Variants in EVA1A observed in about 807,000 individuals in gnomAD.
EVA1A encodes protein eva-1 homolog A.
Under a neutral mutation model 9.8 loss-of-function variants are expected in EVA1A, and 7 were observed. The ratio of observed to expected loss-of-function variants is 0.71; its 90% CI spans 0.41 to 1.34. EVA1A has a LOEUF of 1.34. Ranked by LOEUF, EVA1A falls within the 40% of genes most tolerant of loss-of-function variation. EVA1A has a pLI of 0.01. For synonymous variants in EVA1A, 90 were observed against 85.6 expected, an observed-to-expected ratio of 1.05 and a Z score of -0.28; for missense variants, 206 against 205.9, an observed-to-expected ratio of 1.00 and a Z score of 0.00.
intron 1 of EVA1A, among the ~76,000 whole-genome samples, chr2:75,567,053 GATGCCTAGAGAAA>G (rs1677042177): frequency 6.6e-6 from 1 of 152,134 alleles, no homozygotes; most frequent in Non-Finnish European, 1.5e-5. Flanking sequence ...AACTATGAAA[GATGCCTAGAGAAA>G]ATGCTAATAG....
intron 1 of EVA1A, among the ~76,000 whole-genome samples, chr2:75,552,376 A>G (rs1676557344): frequency 6.6e-6 from 1 of 152,016 alleles, no homozygotes; most frequent in Non-Finnish European, 1.5e-5. Context: ...TCTCTCTCCT[A>G]ATGAATAGCC....
At chr2:75,550,937 C>CATGGTGAA (rs1676499810) in intron 1 of EVA1A, among the ~76,000 whole-genome samples, 1 of 152,162 alleles carries the variant, frequency 6.6e-6, no homozygotes, top group Non-Finnish European at 1.5e-5. Context: ...GCCTGGCCAG[C>CATGGTGAA]ATGGTGAAAT....
intron 1 of EVA1A, among the ~76,000 whole-genome samples, chr2:75,530,845 G>T (rs899443958): frequency 7.2e-5 from 11 of 152,074 alleles, no homozygotes; most frequent in Non-Finnish European, 1.5e-4. Context: ...ACTGAAACAA[G>T]ACAAAAATGC....
chr2:75,492,691 A>T lies in EVA1A; in HGVS notation c.*545T>A, dbSNP rs1389294909. ...AACTACACTAAAAAGTAGGATTTTA[A>T]TCCCTGAGGTGCCAGTTAAAATGGA... is the stretch of plus-strand genomic sequence containing the variant. On this transcript the variant is annotated 3_prime_UTR_variant, in exon 4 of 4. Coordinates refer to ENST00000393913, the MANE Select transcript of EVA1A (RefSeq NM_001135032.2). 1 of 153,000 alleles carries T rather than the reference A, an allele frequency of 6.5e-6. No homozygotes were observed. Among genetic ancestry groups the T allele is most frequent in the East Asian group, 1.9e-4 (1 of 5,194 alleles). 9.5% of individuals were successfully genotyped at this position (153,000 alleles called of 1,614,324 possible).
chr2:75,559,706 G>GA (rs386390503), intron 1 of EVA1A, among the ~76,000 whole-genome samples: 2 of 131,220 alleles, frequency 1.5e-5, no homozygotes, highest in Non-Finnish European at 3.3e-5. Flanking sequence ...GTGGGGGGGG[G>GA]GCGGGGGAGT....
chr2:75,557,772 A>T (rs771161276), intron 1 of EVA1A, among the ~76,000 whole-genome samples: 1 of 152,220 alleles, frequency 6.6e-6, no homozygotes. Context: ...ACTAACCCCA[A>T]TGTCCTGCCC....
At chr2:75,510,414 A>G (rs1363933687) in intron 3 of EVA1A, among the ~76,000 whole-genome samples, 1 of 152,212 alleles carries the variant, frequency 6.6e-6, no homozygotes, top group African/African-American at 2.4e-5. Context: ...CAGGATTCAC[A>G]GTATAAAGGG....
chr2:75,551,309 GCTCCCCTCATCTGTTAGA>G lies in EVA1A; in HGVS notation c.-192+9353_-192+9370del, dbSNP rs564460372. 4.3e-3 allele frequency among the ~76,000 whole-genome samples: 649 copies of G among 152,074 alleles called. 7 individuals are homozygous for G. Among genetic ancestry groups the G allele is most frequent in the African/African-American group, 0.014 (589 of 41,454 alleles). Reference sequence around the variant, plus strand: ...TTCCTCACCTCACATTTGTTCATTAGCTCCCCTCATCTGTTAGACTCCCCTCATCTGTTAGACTCCTCT... The same window carrying G: ...TTCCTCACCTCACATTTGTTCATTAGCTCCCCTCATCTGTTAGACTCCTCT... On this transcript the variant is annotated intron_variant, in intron 1 of 3. Transcript: ENST00000393913.
In EVA1A at chr2:75,504,408, C is replaced by A. The variant is rs752257283; in HGVS notation, c.86-10799G>T. 2.5e-4 allele frequency among the ~76,000 whole-genome samples: 38 copies of A among 151,826 alleles called. 1 individual carries two copies. Among genetic ancestry groups the A allele is most frequent in the Non-Finnish European group, 2.9e-5 (2 of 68,000 alleles). ...CCTGGGCAACAGGGTAAGACTCTGC[C>A]TCAAACAAACAAACAAACAAACAAA... On this transcript the variant is annotated intron_variant, in intron 3 of 3. Coordinates refer to ENST00000393913, the MANE Select transcript of EVA1A (RefSeq NM_001135032.2).
chr2:75,565,247 G>T (rs78948383), upstream of EVA1A, among the ~76,000 whole-genome samples: 28,167 of 152,118 alleles, frequency 0.19, 2,986 homozygotes, highest in East Asian at 0.29. Flanking sequence ...CTCCAGATCA[G>T]ACCAATTGAA....
chr2:75,546,912 A>C (rs1676350162), intron 1 of EVA1A, among the ~76,000 whole-genome samples: 1 of 150,732 alleles, frequency 6.6e-6, no homozygotes, highest in East Asian at 1.9e-4. Flanking sequence ...TAGGCCAAAA[A>C]AAAAAAAAAA....
At chr2:75,528,234 T>C (rs1022739152) in intron 1 of EVA1A, among the ~76,000 whole-genome samples, 1 of 152,088 alleles carries the variant, frequency 6.6e-6, no homozygotes, top group Non-Finnish European at 1.5e-5. Context: ...TGATCAAGTA[T>C]GAATTTTCCT....
chr2:75,520,377 A>G (rs921534960), intron 2 of EVA1A, among the ~76,000 whole-genome samples: 1 of 152,198 alleles, frequency 6.6e-6, no homozygotes, highest in Admixed American at 6.5e-5. Flanking sequence ...AGGGGACCCC[A>G]AACAGTCAAA....
intron 2 of EVA1A, among the ~76,000 whole-genome samples, chr2:75,519,796 G>C (rs57140091): frequency 0.017 from 2,520 of 152,106 alleles, 64 homozygotes; most frequent in African/African-American, 0.058. Flanking sequence ...TGAGCCATGT[G>C]TATTTCAAAA....
rs140605999 is a variant in EVA1A at position 75,543,791 on chromosome 2, C to T, written c.-192+16889G>A. Reference sequence around the variant, plus strand: ...AGCACAGACAAACTGCTGAGCTCCCCGGAGGTGAAAGCCCTGACCTGGGCA... The same window carrying T: ...AGCACAGACAAACTGCTGAGCTCCCTGGAGGTGAAAGCCCTGACCTGGGCA... On this transcript the variant is annotated intron_variant, in intron 1 of 3. Transcript: ENST00000393913. 8.9e-4 allele frequency among the ~76,000 whole-genome samples: 136 copies of T among 152,214 alleles called. 2 individuals carry two copies. The highest frequency in any genetic ancestry group is 6.8e-3 in the Middle Eastern group (2 of 294).
chr2:75,533,111 T>G (rs1359028475), intron 1 of EVA1A, among the ~76,000 whole-genome samples: 1 of 146,256 alleles, frequency 6.8e-6, no homozygotes, highest in Non-Finnish European at 1.5e-5. Flanking sequence ...CCCACTGCAC[T>G]GCACTCCAGC....
chr2:75,541,859 G>C (rs1676137415), intron 1 of EVA1A: 1 of 152,198 alleles, frequency 6.6e-6, no homozygotes, highest in Non-Finnish European at 1.5e-5. Flanking sequence ...CCATCCCACT[G>C]TCACTCCTCT....
intron 1 of EVA1A, among the ~76,000 whole-genome samples, chr2:75,529,099 G>C (rs1425712638): frequency 6.6e-6 from 1 of 152,156 alleles, no homozygotes; most frequent in Non-Finnish European, 1.5e-5. Context: ...GGTATCCATG[G>C]CTGAGAGACC....
At chr2:75,532,806 G>A (rs1050322098) in intron 1 of EVA1A, among the ~76,000 whole-genome samples, 1 of 152,212 alleles carries the variant, frequency 6.6e-6, no homozygotes, top group African/African-American at 2.4e-5. Flanking sequence ...TAAAGCCAAA[G>A]AAATCCATGT....
Sources: allele counts gnomAD v4.1 joint callset (sites outside exome capture counted in the v4.1 genomes callset), GRCh38; gene constraint gnomAD v4.1.1; transcripts MANE v1.5; gene names NCBI Gene and HGNC (gene_info 2026-07-23, HGNC 2026-07-21).